EEFSEC: variants seen among roughly 807,000 people sequenced by gnomAD.
EEFSEC encodes eukaryotic elongation factor, selenocysteine-tRNA specific, also known as selenocysteine-specific elongation factor.
In EEFSEC, 43 loss-of-function variants were observed where a neutral mutation model predicts 42.1. The ratio of observed to expected loss-of-function variants is 1.02; its 90% CI spans 0.80 to 1.32. EEFSEC has a LOEUF of 1.32. Among genes scored for constraint, EEFSEC ranks in the 40% most tolerant of loss-of-function variants. The pLI is 0.00. For synonymous variants in EEFSEC, 354 were observed against 339.1 expected, an observed-to-expected ratio of 1.04 and a Z score of -0.48; for missense variants, 745 against 803.6, an observed-to-expected ratio of 0.93 and a Z score of 0.88.
chr3:128,170,859 G>A (rs529632874), intron 1 of EEFSEC, among the ~76,000 whole-genome samples: 1 of 152,328 alleles, frequency 6.6e-6, no homozygotes, highest in East Asian at 1.9e-4. Flanking sequence ...TTCGAGGAAT[G>A]AATATTTTCT....
In EEFSEC at chr3:128,392,892, A is replaced by G. The variant is rs189197018; in HGVS notation, c.1601-15177A>G. On this transcript the variant is annotated intron_variant, in intron 6 of 6. Coordinates refer to ENST00000254730, the MANE Select transcript of EEFSEC (RefSeq NM_021937.5). ...GAGCAGGGAAGGGGGTGGTGGGTACAGCCCCCTCCCCAGACCTCCTTCAGT... is the reference window on the plus strand; with the variant it reads ...GAGCAGGGAAGGGGGTGGTGGGTACGGCCCCCTCCCCAGACCTCCTTCAGT... 2.6e-3 allele frequency among the ~76,000 whole-genome samples: 397 copies of G among 152,268 alleles called. 2 individuals carry two copies. Among genetic ancestry groups the G allele is most frequent in the African/African-American group, 8.1e-3 (338 of 41,558 alleles).
At chr3:128,205,351 G>A (rs1489938719) in intron 1 of EEFSEC, among the ~76,000 whole-genome samples, 1 of 152,136 alleles carries the variant, frequency 6.6e-6, no homozygotes, top group Non-Finnish European at 1.5e-5. Context: ...GTGCCTCTGA[G>A]CAGTGCAGAG....
At chr3:128,249,081 A>G (rs2066157144) in intron 2 of EEFSEC, among the ~76,000 whole-genome samples, 1 of 152,212 alleles carries the variant, frequency 6.6e-6, no homozygotes, top group African/African-American at 2.4e-5. Context: ...TTAAGTGACT[A>G]TTTCATTTTC....
At position 128,317,730 on chromosome 3, in the gene EEFSEC, G is replaced by A. The variant is rs138372909; in HGVS notation, c.787-23503G>A. On this transcript the variant is annotated intron_variant, in intron 4 of 6. Transcript: ENST00000254730. The surrounding 1 kb of genome is among the most constrained non-coding windows in gnomAD (Gnocchi z 4.1). ...CTCAGCTGCAGCCATTTGTGCTCAC[G>A]TACCATTCTCTCGCCGGCTGCTGAC... Among the ~76,000 whole-genome samples, 21 of 152,350 alleles carry A rather than the reference G, an allele frequency of 1.4e-4. No individual in the cohort carries two copies. The highest frequency in any genetic ancestry group is 1.9e-4 in the East Asian group (1 of 5,182).
chr3:128,195,025 T>C (rs1337373193), intron 1 of EEFSEC, among the ~76,000 whole-genome samples: 1 of 152,186 alleles, frequency 6.6e-6, no homozygotes, highest in African/African-American at 2.4e-5. Context: ...CCAGTGCTGC[T>C]TTTCTCCTCC....
At chr3:128,360,679 G>C (rs951329840) in intron 6 of EEFSEC, among the ~76,000 whole-genome samples, 2 of 151,178 alleles carry the variant, frequency 1.3e-5, no homozygotes, top group African/African-American at 4.9e-5. Flanking sequence ...AGTGGAGGGA[G>C]CCTCTCAGGG....
At chr3:128,205,298 T>C (rs1051266515) in intron 1 of EEFSEC, among the ~76,000 whole-genome samples, 11 of 152,170 alleles carry the variant, frequency 7.2e-5, no homozygotes, top group Admixed American at 6.5e-4. Context: ...GGAAGACCCC[T>C]GCCCAGTCTA....
At position 128,168,330 on chromosome 3, in the gene EEFSEC, G is replaced by C. The variant is rs536722803; in HGVS notation, c.316+14507G>C. Among the ~76,000 whole-genome samples, 5 of 152,328 alleles carry C rather than the reference G, an allele frequency of 3.3e-5. No individual in the cohort carries two copies. In the South Asian group the frequency reaches 6.2e-4, roughly 19 times the overall value. ...ATGACAAAAAGAGGTCACTGTCTCT[G>C]ATCACTAGTTCTGGGTCCAGAGTTC... is the stretch of plus-strand genomic sequence containing the variant. On this transcript the variant is annotated intron_variant, in intron 1 of 6. Transcript: ENST00000254730.
At chr3:128,323,121 G>A (rs2067025996) in intron 4 of EEFSEC, among the ~76,000 whole-genome samples, 2 of 152,306 alleles carry the variant, frequency 1.3e-5, no homozygotes, top group Non-Finnish European at 2.9e-5. Context: ...CTTTTGGGAA[G>A]AGCTGTCACA....
chr3:128,213,154 CGA>C (rs2065776469), intron 1 of EEFSEC, among the ~76,000 whole-genome samples: 1 of 152,178 alleles, frequency 6.6e-6, no homozygotes, highest in Admixed American at 6.5e-5. Flanking sequence ...ACGCTAGGTC[CGA>C]GACCTGGGTT....
At chr3:128,410,694 C>A (rs562238770), downstream of EEFSEC, among the ~76,000 whole-genome samples, 1 of 152,308 alleles carries the variant, frequency 6.6e-6, no homozygotes, top group South Asian at 2.1e-4. Context: ...TTGCCAGGCA[C>A]ACTGCTGACC....
chr3:128,341,906 C>A lies in EEFSEC; in HGVS notation c.1443+17C>A. On this transcript the variant is annotated intron_variant, in intron 5 of 6. Transcript: ENST00000254730. ...GTGGAGCGGGTGAGCATGCCCTTGCCTGGCCCCACACCCCTTCCCTTCTTG... is the reference window on the plus strand; with the variant it reads ...GTGGAGCGGGTGAGCATGCCCTTGCATGGCCCCACACCCCTTCCCTTCTTG... 1 of 1,605,122 alleles carries A rather than the reference C, an allele frequency of 6.2e-7. No individual in the cohort carries two copies. The highest frequency in any genetic ancestry group is 8.5e-7 in the Non-Finnish European group (1 of 1,175,076).
chr3:128,168,418 C>T (rs1314136858), intron 1 of EEFSEC, among the ~76,000 whole-genome samples: 1 of 152,152 alleles, frequency 6.6e-6, no homozygotes, highest in Non-Finnish European at 1.5e-5. Flanking sequence ...AGAGGTGAAC[C>T]TGGGGCTCCA....
chr3:128,345,483 G>T (rs1445241425), intron 5 of EEFSEC, among the ~76,000 whole-genome samples: 1 of 152,132 alleles, frequency 6.6e-6, no homozygotes, highest in Non-Finnish European at 1.5e-5. Flanking sequence ...CACCGTGCTT[G>T]GCTGACTCTA....
chr3:128,400,722 A>G (rs760383), intron 6 of EEFSEC, among the ~76,000 whole-genome samples: 51,741 of 152,226 alleles, frequency 0.34, 10,118 homozygotes, highest in African/African-American at 0.53. Flanking sequence ...ACATGAAAGC[A>G]ACGCCAGCAA....
At chr3:128,203,175 C>T (rs2065659803) in intron 1 of EEFSEC, among the ~76,000 whole-genome samples, 1 of 152,120 alleles carries the variant, frequency 6.6e-6, no homozygotes, top group Admixed American at 6.5e-5. Flanking sequence ...CAATTTGAGA[C>T]AATTTGTGAA....
At chr3:128,246,196 G>T (rs2066124587) in intron 1 of EEFSEC, among the ~76,000 whole-genome samples, 1 of 151,486 alleles carries the variant, frequency 6.6e-6, no homozygotes, top group Non-Finnish European at 1.5e-5. Flanking sequence ...GCTCAGGTGT[G>T]CTGTACAGTA....
intron 1 of EEFSEC, among the ~76,000 whole-genome samples, chr3:128,245,347 C>A (rs1041489744): frequency 6.6e-6 from 1 of 152,170 alleles, no homozygotes; most frequent in Non-Finnish European, 1.5e-5. Context: ...GTTCTGTTCA[C>A]GGTAGATGAT....
Position 128,356,619 on chromosome 3 carries a change from C to G in EEFSEC, c.1444-1598C>G, listed in dbSNP as rs16844086. On this transcript the variant is annotated intron_variant, in intron 5 of 6. Transcript: ENST00000254730. ...TAAATTCTATTAACTTATTTGTAAA[C>G]AGGTGATGCATTCATGTATTTCAGT... is the stretch of plus-strand genomic sequence containing the variant. 9.6e-3 allele frequency among the ~76,000 whole-genome samples: 1,462 copies of G among 152,276 alleles called. 26 individuals carry two copies. Among genetic ancestry groups the G allele is most frequent in the African/African-American group, 0.034 (1,407 of 41,530 alleles).
Sources: gnomAD v4.1 joint callset for allele counts (sites outside exome capture counted in the v4.1 genomes callset) on GRCh38, gnomAD v4.1.1 for gene constraint, Gnocchi (gnomAD v3.1) non-coding constraint, MANE v1.5 for transcripts, NCBI Gene and HGNC (gene_info 2026-07-23, HGNC 2026-07-21) for gene names.